Variants in KANSL1 observed in about 807,000 individuals in gnomAD.
KANSL1 encodes the protein MLL1/MLL complex subunit KANSL1.
A neutral mutation model predicts 103.6 loss-of-function variants in KANSL1; 22 were observed. The observed-to-expected ratio is 0.21, with a 90% confidence interval of 0.15 to 0.30. KANSL1 has a LOEUF of 0.30. Among genes scored for constraint, KANSL1 ranks in the 10% least tolerant of loss-of-function variants. KANSL1 has a pLI of 1.00. For missense variants in KANSL1, 1,337 were observed against 1,399.8 expected (o/e 0.96, Z 0.72); for synonymous variants, 600 against 527.6 (o/e 1.14, Z -1.88).
At chr17:46,216,840 G>A (rs980147675) in intron 1 of KANSL1, among the ~76,000 whole-genome samples, 6 of 151,802 alleles carry the variant, frequency 4.0e-5, no homozygotes, top group African/African-American at 1.2e-4. Flanking sequence ...GCACAGTGGC[G>A]CATTCCTGTA....
At position 46,124,274 on chromosome 17, in the gene KANSL1, C is replaced by T. The variant is rs138368341; in HGVS notation, c.1290-29573G>A. On this transcript the variant is annotated intron_variant, in intron 2 of 14. Coordinates refer to ENST00000432791, the MANE Select transcript of KANSL1 (RefSeq NM_015443.4). ...AACAAATTATGCTACATTTACTCTG[C>T]CTATGCTCTATAAATGAAACAACAA... 1.4e-3 allele frequency among the ~76,000 whole-genome samples: 211 copies of T among 152,348 alleles called. 1 individual carries two copies. Among genetic ancestry groups the T allele is most frequent in the African/African-American group, 5.0e-3 (208 of 41,568 alleles).
chr17:46,199,657 A>G (rs1480576273), intron 1 of KANSL1, among the ~76,000 whole-genome samples: 1 of 152,268 alleles, frequency 6.6e-6, no homozygotes, highest in Non-Finnish European at 1.5e-5. Flanking sequence ...TAAAGATATT[A>G]TTTTGCCATC....
At chr17:46,203,537 G>A (rs1159364483) in intron 1 of KANSL1, among the ~76,000 whole-genome samples, 1 of 152,166 alleles carries the variant, frequency 6.6e-6, no homozygotes, top group Non-Finnish European at 1.5e-5. Context: ...AGAATACTCG[G>A]TCACTTTATA....
chr17:46,121,727 T>C (rs1007708358), intron 2 of KANSL1, among the ~76,000 whole-genome samples: 3 of 152,104 alleles, frequency 2.0e-5, no homozygotes, highest in Non-Finnish European at 4.4e-5. Flanking sequence ...AAAAAGCACT[T>C]AGTAATTATT....
At chr17:46,050,497 C>T (rs375517947) in intron 7 of KANSL1, 36 bp downstream of exon 7, 70 of 1,595,810 alleles carry the variant, frequency 4.4e-5, no homozygotes, top group Non-Finnish European at 5.7e-5. Context: ...TCTCAAGTTT[C>T]TTTCATTAGA....
intron 4 of KANSL1, among the ~76,000 whole-genome samples, chr17:46,080,493 A>G (rs1267171179): frequency 6.6e-6 from 1 of 151,980 alleles, no homozygotes; most frequent in Non-Finnish European, 1.5e-5. Context: ...CCTAAAATTT[A>G]AAACAAAACA....
chr17:46,062,910 C>T (rs1191948847), intron 6 of KANSL1, among the ~76,000 whole-genome samples: 2 of 151,794 alleles, frequency 1.3e-5, no homozygotes, highest in Non-Finnish European at 2.9e-5. Flanking sequence ...AATAGCTGGG[C>T]GTGGTGGCGT....
At chr17:46,073,956 T>A (rs1041886303) in intron 4 of KANSL1, among the ~76,000 whole-genome samples, 4 of 151,912 alleles carry the variant, frequency 2.6e-5, no homozygotes, top group Non-Finnish European at 5.9e-5. Context: ...TTACGGTTTT[T>A]TATATATATA....
At chr17:46,193,708 C>G, upstream of KANSL1, 2 of 269,822 alleles carry the variant, frequency 7.4e-6, no homozygotes, top group South Asian at 2.6e-5. Context: ...AGCACTGCGG[C>G]AGGGGGAAGC....
chr17:46,107,362 T>A (rs2042612475), intron 2 of KANSL1, among the ~76,000 whole-genome samples: 1 of 152,256 alleles, frequency 6.6e-6, no homozygotes, highest in African/African-American at 2.4e-5. Flanking sequence ...GCACCAAAGC[T>A]GCTGGTCAAG....
chr17:46,066,918 G>A (rs147343397), intron 5 of KANSL1, among the ~76,000 whole-genome samples, 186 bp from the exon 6 acceptor site: 178 of 152,316 alleles, frequency 1.2e-3, no homozygotes, highest in Middle Eastern at 3.4e-3. Context: ...CTACCTGTGT[G>A]TGCTTATGTG....
rs145863194 is a variant in KANSL1 at position 46,032,084 on chromosome 17, G to T, written c.3053C>A (p.Thr1018Asn). The change falls in exon 14 of 15, where the codon ACC becomes AAC. Residue 1018 changes from threonine (T) to asparagine (N), a missense_variant. Physicochemically the swap from Thr to Asn is moderately conservative, Grantham distance 65. Coordinates refer to ENST00000432791, the MANE Select transcript of KANSL1 (RefSeq NM_015443.4). Reference sequence around the variant, plus strand: ...CCCCAGCTCTGGTGTGGAACAACGGGTATCCTCACTGGCTAAGTGTCGCGG... The same window carrying T: ...CCCCAGCTCTGGTGTGGAACAACGGTTATCCTCACTGGCTAAGTGTCGCGG... The part of the protein sequence containing the change: ...DTPRHLASED[T>N]RCSTPELGLD... 3 of 1,614,038 alleles carry T rather than the reference G, an allele frequency of 1.9e-6. No individual in the cohort carries two copies. The highest frequency in any genetic ancestry group is 2.5e-6 in the Non-Finnish European group (3 of 1,180,010).
chr17:46,068,928 CTTACT>C (rs984905184), intron 4 of KANSL1, among the ~76,000 whole-genome samples: 7 of 151,776 alleles, frequency 4.6e-5, no homozygotes, highest in East Asian at 1.9e-4. Flanking sequence ...TCTTTGACTC[CTTACT>C]TTATTTTTTT....
chr17:46,073,584 T>C (rs1383320385), intron 4 of KANSL1, among the ~76,000 whole-genome samples: 2 of 152,142 alleles, frequency 1.3e-5, no homozygotes, highest in Non-Finnish European at 1.5e-5. Context: ...AAGAAGAATG[T>C]ATAGCTTTTT....
At chr17:46,136,430 T>A (rs943305775) in intron 2 of KANSL1, among the ~76,000 whole-genome samples, 2 of 152,218 alleles carry the variant, frequency 1.3e-5, no homozygotes, top group East Asian at 3.8e-4. Context: ...ACGGACCATA[T>A]CGTTACCCTC....
chr17:46,109,413 C>T (rs761267313), intron 2 of KANSL1, among the ~76,000 whole-genome samples: 1 of 152,136 alleles, frequency 6.6e-6, no homozygotes, highest in Non-Finnish European at 1.5e-5. Context: ...TTATATGATA[C>T]GTGTAAGATA....
At chr17:46,076,213 G>A (rs375178205) in intron 4 of KANSL1, among the ~76,000 whole-genome samples, 201 of 152,288 alleles carry the variant, frequency 1.3e-3, no homozygotes, top group African/African-American at 4.7e-3. Context: ...TTTGGCTACT[G>A]GCCAGGTGCA....
At chr17:46,050,831 C>T (rs1249958604) in intron 6 of KANSL1, 127 bp from the exon 7 acceptor site, 1 of 684,312 alleles carries the variant, frequency 1.5e-6, no homozygotes, top group African/African-American at 1.8e-5. Flanking sequence ...TTTCTAGATA[C>T]TTGTGTGACA....
At chr17:46,114,128 A>T (rs944947328) in intron 2 of KANSL1, among the ~76,000 whole-genome samples, 6 of 152,338 alleles carry the variant, frequency 3.9e-5, no homozygotes, top group African/African-American at 1.4e-4. Context: ...TGGGAGGCCG[A>T]GTAGGGCAGA....
Sources: allele counts gnomAD v4.1 joint callset (sites outside exome capture counted in the v4.1 genomes callset), GRCh38; gene constraint gnomAD v4.1.1; transcripts MANE v1.5; gene names NCBI Gene and HGNC (gene_info 2026-07-23, HGNC 2026-07-21).